The following NCKAP5L variants were observed in gnomAD, a reference collection of about 807,000 sequenced individuals.
The protein encoded by NCKAP5L is nck-associated protein 5-like.
A neutral mutation model predicts 103.2 loss-of-function variants in NCKAP5L; 54 were observed. That is an observed-to-expected ratio of 0.52 (90% CI 0.42 to 0.66). The LOEUF is 0.66. Ranked by LOEUF, NCKAP5L falls within the 30% of genes least tolerant of loss-of-function variation. The pLI is 0.00. For missense variants in NCKAP5L, 1,733 were observed against 1,750.6 expected (o/e 0.99, Z 0.18); for synonymous variants, 762 against 748.6 (o/e 1.02, Z -0.29).
intron 1 of NCKAP5L, among the ~76,000 whole-genome samples, chr12:49,810,281 C>T (rs1247569117): frequency 6.6e-6 from 1 of 152,196 alleles, no homozygotes; most frequent in African/African-American, 2.4e-5. Context: ...GCCCAGGCCC[C>T]ACTCCCAAAA....
intron 6 of NCKAP5L, among the ~76,000 whole-genome samples, chr12:49,800,457 G>T (rs1946106352): frequency 2.0e-5 from 3 of 152,218 alleles, no homozygotes; most frequent in Admixed American, 2.0e-4. Context: ...CTCACAGTAA[G>T]AGCTTAATTG....
Position 49,793,825 on chromosome 12 carries a change from A to G in NCKAP5L, c.3167T>C (p.Val1056Ala). ...PKPEYGDFQPVSSDPKSPWPA... is the reference protein window; with the variant it reads ...PKPEYGDFQPASSDPKSPWPA... ...CCAGGGGCTCTTGGGGTCAGAAGAC[A>G]CCGGCTGGAAATCCCCGTACTCAGG... is the stretch of plus-strand genomic sequence containing the variant. The change falls in exon 9 of 13, where the codon GTG becomes GCG. Residue 1056 changes from valine (V) to alanine (A), a missense_variant. Coordinates refer to ENST00000335999, the MANE Select transcript of NCKAP5L (RefSeq NM_001037806.4). The G allele has an allele frequency of 6.3e-7, 1 of 1,592,130 alleles. No individual in the cohort carries two copies. Among genetic ancestry groups the G allele is most frequent in the Admixed American group, 1.8e-5 (1 of 56,674 alleles).
At position 49,796,209 on chromosome 12, in the gene NCKAP5L, C is replaced by G. The variant is rs1946039287; in HGVS notation, c.1651G>C (p.Val551Leu). 2 of 1,595,310 alleles carry G rather than the reference C, an allele frequency of 1.3e-6. No individual in the cohort carries two copies. The highest frequency in any genetic ancestry group is 1.7e-5 in the Admixed American group (1 of 57,858). Reference protein sequence around the residue: ...ALSTTLSPGPVVSPCYENILD... With the variant: ...ALSTTLSPGPLVSPCYENILD... ...ATGTTCTCATAGCAGGGAGACACCA[C>G]TGGGCCTGGGGACAGCGTGGTGGAC... The change falls in exon 8 of 13, where the codon GTG (valine) becomes CTG (leucine). Residue 551 changes from valine (V) to leucine (L), a missense_variant. Physicochemically the swap from Val to Leu is conservative, Grantham distance 32. Coordinates refer to ENST00000335999, the MANE Select transcript of NCKAP5L (RefSeq NM_001037806.4).
chr12:49,808,429 G>A (rs541677930), intron 1 of NCKAP5L, among the ~76,000 whole-genome samples: 3 of 152,330 alleles, frequency 2.0e-5, no homozygotes, highest in East Asian at 1.9e-4. Flanking sequence ...AAGCTGTCAC[G>A]GGGAAGAGAC....
rs554859581 is a variant in NCKAP5L at position 49,795,320 on chromosome 12, C to T, written c.2540G>A (p.Gly847Asp). ...KESPKPDKGK[G>D]PPWADCGSTT... ...ACTACCACAGTCTGCCCAGGGAGGGCCCTTCCCTTTGTCAGGCTTGGGGGA... is the reference window on the plus strand; with the variant it reads ...ACTACCACAGTCTGCCCAGGGAGGGTCCTTCCCTTTGTCAGGCTTGGGGGA... The change falls in exon 8 of 13, where the codon GGC (glycine) becomes GAC (aspartate). Residue 847 changes from glycine to aspartate, a missense_variant. Physicochemically the swap from Gly to Asp is moderately conservative, Grantham distance 94. Transcript: ENST00000335999. The T allele has an allele frequency of 5.2e-6, 8 of 1,530,722 alleles. No homozygotes were observed. In the South Asian group the frequency reaches 9.2e-5, roughly 18 times the overall value. The allele number at this position is 1,530,722 out of a possible 1,614,324, so 94.8% of individuals were successfully genotyped here. A position where few individuals can be genotyped will look rare whatever the true frequency, so the allele number is the denominator to read the frequency against.
In NCKAP5L at chr12:49,795,822, C is replaced by T. The variant is rs777388855; in HGVS notation, c.2038G>A (p.Gly680Ser). ...GCTGGCACCCCATTCTTCTCTGAGC[C>T]CAGGGCCCCCTCGGGGCCTGTCTTC... is the stretch of plus-strand genomic sequence containing the variant. ...KLKTGPEGAL[G>S]SEKNGVPARP... The change falls in exon 8 of 13, where the codon GGC becomes AGC. Residue 680 changes from glycine to serine, a missense_variant. By Grantham distance (56) the Gly-to-Ser change is moderately conservative (BLOSUM62 0). Transcript: ENST00000335999. 6.4e-6 allele frequency: 10 copies of T among 1,567,816 alleles called. No individual in the cohort carries two copies. Among genetic ancestry groups the T allele is most frequent in the African/African-American group, 4.1e-5 (3 of 73,348 alleles).
At position 49,795,589 on chromosome 12, in the gene NCKAP5L, C is replaced by CA; in HGVS notation, c.2270dup (p.Met757IlefsTer53). On this transcript the variant is annotated frameshift_variant, in exon 8 of 13. Coordinates refer to ENST00000335999, the MANE Select transcript of NCKAP5L (RefSeq NM_001037806.4). LOFTEE classifies it high-confidence loss of function. Reference sequence around the variant, plus strand: ...CAGGCTCCAGGTCCACCCGGGCCCCCATGGAGTGAGAGGAGTAGACTCGGG... The same window carrying CA: ...CAGGCTCCAGGTCCACCCGGGCCCCCAATGGAGTGAGAGGAGTAGACTCGGG... 1 of 1,570,728 alleles carries CA rather than the reference C, an allele frequency of 6.4e-7. No homozygotes were observed. The highest frequency in any genetic ancestry group is 8.6e-7 in the Non-Finnish European group (1 of 1,159,994).
intron 8 of NCKAP5L, 141 bp from the exon 9 acceptor site, chr12:49,794,037 G>T: frequency 1.3e-6 from 1 of 763,042 alleles, no homozygotes; most frequent in Non-Finnish European, 1.9e-6. Context: ...GCTAGTGATT[G>T]CTCCCAACAC....
Position 49,796,014 on chromosome 12 carries a change from C to T in NCKAP5L, c.1846G>A (p.Gly616Arg). The change falls in exon 8 of 13, where the codon GGG (glycine) becomes AGG (arginine). Residue 616 changes from glycine to arginine, a missense_variant. Physicochemically the swap from Gly to Arg is moderately radical, Grantham distance 125 (BLOSUM62 -2). Coordinates refer to ENST00000335999, the MANE Select transcript of NCKAP5L (RefSeq NM_001037806.4). ...SPCLPESYPY[G>R]SPQEKSLDKA... is the part of the protein sequence containing the mutation. ...TCCAAACTCTTCTCTTGGGGGCTCC[C>T]ATAGGGGTACGATTCTGGGAGGCAA... 1 of 1,548,432 alleles carries T rather than the reference C, an allele frequency of 6.5e-7. No individual in the cohort carries two copies. The highest frequency in any genetic ancestry group is 1.3e-5 in the South Asian group (1 of 79,106).
At position 49,791,598 on chromosome 12, in the gene NCKAP5L, G is replaced by T; in HGVS notation, c.*241C>A. 1 of 426,240 alleles carries T rather than the reference G, an allele frequency of 2.3e-6. No individual in the cohort carries two copies. Among genetic ancestry groups the T allele is most frequent in the Non-Finnish European group, 4.2e-6 (1 of 240,356 alleles). The allele number at this position is 426,240 out of a possible 1,614,324, so 26.4% of individuals were successfully genotyped here. A position where few individuals can be genotyped will look rare whatever the true frequency, so the allele number is the denominator to read the frequency against. On this transcript the variant is annotated 3_prime_UTR_variant, in exon 13 of 13. Coordinates refer to ENST00000335999, the MANE Select transcript of NCKAP5L (RefSeq NM_001037806.4). ...TAACCCCCAGTCCCTTCCAGGAAGA[G>T]CCTTACTCTGGGTGAGAGAAGGGAC...
At position 49,825,816 on chromosome 12, in the gene NCKAP5L, C is replaced by A. The variant is rs569082528; in HGVS notation, c.-99+2506G>T. Among the ~76,000 whole-genome samples, 39 of 152,316 alleles carry A rather than the reference C, an allele frequency of 2.6e-4. 1 individual carries two copies. The highest frequency in any genetic ancestry group is 8.9e-4 in the African/African-American group (37 of 41,578). Reference sequence around the variant, plus strand: ...CAGGGAGAATGTGCCCCTACATGAGCAAACCCAGGGCTTCCTTAACCACCA... The same window carrying A: ...CAGGGAGAATGTGCCCCTACATGAGAAAACCCAGGGCTTCCTTAACCACCA... On this transcript the variant is annotated intron_variant, in intron 1 of 12. Coordinates refer to ENST00000335999, the MANE Select transcript of NCKAP5L (RefSeq NM_001037806.4).
At chr12:49,806,438 T>C (rs561069323) in intron 1 of NCKAP5L, among the ~76,000 whole-genome samples, 4 of 152,370 alleles carry the variant, frequency 2.6e-5, no homozygotes, top group African/African-American at 9.6e-5. Flanking sequence ...TTAAATGCTA[T>C]TATCAGTGCC....
intron 6 of NCKAP5L, among the ~76,000 whole-genome samples, chr12:49,800,029 C>G (rs1008846108): frequency 1.3e-5 from 2 of 152,202 alleles, no homozygotes; most frequent in East Asian, 3.8e-4. Context: ...AATCCTGTCT[C>G]TACTAAAAAT....
At chr12:49,814,889 A>C (rs77921814) in intron 1 of NCKAP5L, among the ~76,000 whole-genome samples, 3 of 152,136 alleles carry the variant, frequency 2.0e-5, no homozygotes, top group African/African-American at 7.2e-5. Flanking sequence ...CTTACCTTTC[A>C]TCATTGTAAC....
At chr12:49,827,460 C>T (rs1287173770) in intron 1 of NCKAP5L, among the ~76,000 whole-genome samples, 1 of 152,240 alleles carries the variant, frequency 6.6e-6, no homozygotes, top group Non-Finnish European at 1.5e-5. Context: ...CCCTCTGTGC[C>T]CTTGGGGCCG....
intron 1 of NCKAP5L, among the ~76,000 whole-genome samples, chr12:49,822,876 A>G (rs1946376288): frequency 6.6e-6 from 1 of 152,138 alleles, no homozygotes. Context: ...ATAAAACCTG[A>G]TGAAAAAATA....
chr12:49,821,722 T>C (rs1040191998), intron 1 of NCKAP5L, among the ~76,000 whole-genome samples: 8 of 152,256 alleles, frequency 5.3e-5, no homozygotes, highest in Non-Finnish European at 1.0e-4. Flanking sequence ...ACTTTTTTGA[T>C]CACCACTGTA....
intron 1 of NCKAP5L, among the ~76,000 whole-genome samples, chr12:49,825,813 G>C (rs2137048093): frequency 6.6e-6 from 1 of 152,318 alleles, no homozygotes; most frequent in African/African-American, 2.4e-5. Context: ...GCCCCTACAT[G>C]AGCAAACCCA....
intron 1 of NCKAP5L, among the ~76,000 whole-genome samples, chr12:49,817,376 G>C: frequency 6.6e-6 from 1 of 152,032 alleles, no homozygotes. Flanking sequence ...TACTTTGATA[G>C]AGTAAACAAT....
Sources: allele counts gnomAD v4.1 joint callset (sites outside exome capture counted in the v4.1 genomes callset), GRCh38; gene constraint gnomAD v4.1.1; transcripts MANE v1.5; gene names NCBI Gene and HGNC (gene_info 2026-07-23, HGNC 2026-07-21).